TENM2: variants seen among roughly 807,000 people sequenced by gnomAD.
The protein encoded by TENM2 is teneurin-2.
In TENM2, 52 loss-of-function variants were observed where a neutral mutation model predicts 245.2. The observed-to-expected ratio is 0.21, with a 90% CI of 0.17 to 0.27. The LOEUF (loss-of-function observed/expected upper bound fraction) is 0.27. TENM2 is among the 10% of genes least tolerant of loss of function. The pLI is 1.00. For missense variants in TENM2, 3,046 were observed against 3,666.8 expected, an observed-to-expected ratio of 0.83 and a Z score of 4.37; for synonymous variants, 1,363 against 1,438.9, an observed-to-expected ratio of 0.95 and a Z score of 1.19.
chr5:168,191,067 A>G (rs913141337), intron 14 of TENM2, among the ~76,000 whole-genome samples: 4 of 152,020 alleles, frequency 2.6e-5, no homozygotes, highest in Non-Finnish European at 4.4e-5. Flanking sequence ...TCTAATCCAC[A>G]CAACAATCCC....
chr5:168,164,592 TA>T (rs1758050096), intron 13 of TENM2, among the ~76,000 whole-genome samples: 1 of 152,208 alleles, frequency 6.6e-6, no homozygotes, highest in Admixed American at 6.5e-5. Flanking sequence ...TCTCCTGTTC[TA>T]AACCTCTGAG....
At chr5:168,173,597 TC>T (rs1759058554) in intron 13 of TENM2, among the ~76,000 whole-genome samples, 1 of 151,992 alleles carries the variant, frequency 6.6e-6, no homozygotes, top group Non-Finnish European at 1.5e-5. Flanking sequence ...CCAGCCACAC[TC>T]CTGGACAGAC....
the TENM2 span, among the ~76,000 whole-genome samples, chr5:167,044,036 AGAAGGAAG>A: frequency 8.9e-4 from 114 of 128,590 alleles, 1 homozygote; most frequent in Middle Eastern, 3.9e-3. Context: ...TAGTAAGGAC[AGAAGGAAG>A]GAAGGAAGGA....
At chr5:168,093,331 G>A (rs1793099328) in intron 8 of TENM2, among the ~76,000 whole-genome samples, 2 of 152,204 alleles carry the variant, frequency 1.3e-5, no homozygotes, top group Admixed American at 1.3e-4. Context: ...CTGGACTGTA[G>A]CTCAAAGAGC....
At chr5:168,094,117 G>C (rs1305108871) in intron 8 of TENM2, among the ~76,000 whole-genome samples, 3 of 149,426 alleles carry the variant, frequency 2.0e-5, no homozygotes, top group Non-Finnish European at 4.5e-5. Flanking sequence ...GAACAGTTCA[G>C]ATCGAGAGCT....
At chr5:168,189,770 TA>T (rs545247922) in intron 13 of TENM2, among the ~76,000 whole-genome samples, 2 of 152,134 alleles carry the variant, frequency 1.3e-5, no homozygotes, top group African/African-American at 4.8e-5. Context: ...TTTAATTTGA[TA>T]AAAAAATTGT....
chr5:167,516,738 G>T (rs1249215233), intron 2 of TENM2, among the ~76,000 whole-genome samples: 1 of 152,074 alleles, frequency 6.6e-6, no homozygotes, highest in African/African-American at 2.4e-5. Context: ...TACTTTCAGG[G>T]TTTTCGCATC....
At chr5:167,793,387 C>G (rs1039781357) in intron 2 of TENM2, among the ~76,000 whole-genome samples, 1 of 152,074 alleles carries the variant, frequency 6.6e-6, no homozygotes, top group Non-Finnish European at 1.5e-5. Context: ...ATAGCCATAC[C>G]TAGTAGATTA....
intron 2 of TENM2, among the ~76,000 whole-genome samples, chr5:167,509,240 CTG>C (rs1769763053): frequency 6.6e-6 from 1 of 152,216 alleles, no homozygotes. Context: ...GCTCCATTGA[CTG>C]TAGACTAATT....
intron 2 of TENM2, among the ~76,000 whole-genome samples, chr5:167,649,612 C>T (rs1780200929): frequency 6.6e-6 from 1 of 152,066 alleles, no homozygotes; most frequent in Admixed American, 6.6e-5. Context: ...GCACATGAAA[C>T]CCATTTAAAG....
chr5:167,816,189 C>G (rs1767042783), intron 2 of TENM2, among the ~76,000 whole-genome samples: 1 of 152,082 alleles, frequency 6.6e-6, no homozygotes, highest in African/African-American at 2.4e-5. Context: ...ACACCTGTTT[C>G]CGGAACAGAA....
At chr5:167,793,550 A>G (rs1272165261) in intron 2 of TENM2, among the ~76,000 whole-genome samples, 1 of 152,172 alleles carries the variant, frequency 6.6e-6, no homozygotes, top group Non-Finnish European at 1.5e-5. Flanking sequence ...AGAGACATCA[A>G]GAGGCCAGGT....
chr5:167,985,300 G>A (rs1783159274), intron 4 of TENM2, among the ~76,000 whole-genome samples: 1 of 151,992 alleles, frequency 6.6e-6, no homozygotes, highest in East Asian at 1.9e-4. Flanking sequence ...AGGGATTAAT[G>A]GGCTGTGTAT....
At chr5:167,530,182 A>G (rs889651368) in intron 2 of TENM2, among the ~76,000 whole-genome samples, 2 of 152,206 alleles carry the variant, frequency 1.3e-5, no homozygotes, top group Non-Finnish European at 2.9e-5. Context: ...TCATTTTTCT[A>G]TTCATTTTTA....
At chr5:168,241,421 A>ATT (rs752333194) in intron 25 of TENM2, among the ~76,000 whole-genome samples, 43 of 133,100 alleles carry the variant, frequency 3.2e-4, no homozygotes, top group African/African-American at 6.4e-4. Flanking sequence ...TGCTTGGCTA[A>ATT]TTTTTTTTTT....
the TENM2 span, among the ~76,000 whole-genome samples, chr5:167,188,315 G>A: frequency 3.5e-3 from 539 of 152,286 alleles, 6 homozygotes; most frequent in African/African-American, 0.012. Flanking sequence ...AGCGCGGGCT[G>A]CTGCTGGAAA....
chr5:167,437,145 C>T lies in TENM2; in HGVS notation c.502+61672C>T, dbSNP rs563545083. On this transcript the variant is annotated intron_variant, in intron 2 of 28. Transcript: ENST00000518659. ...AAAAGCCAGACACTCAACACCAGCC[C>T]GTGAGAGCAGCCAGGAGGGGGGCTA... 9.5e-4 allele frequency among the ~76,000 whole-genome samples: 145 copies of T among 152,200 alleles called. 2 individuals carry two copies. The highest frequency in any genetic ancestry group is 1.6e-3 in the Non-Finnish European group (112 of 67,998).
At chr5:167,342,072 T>G (rs994427486) in intron 1 of TENM2, among the ~76,000 whole-genome samples, 49 of 152,218 alleles carry the variant, frequency 3.2e-4, no homozygotes, top group Non-Finnish European at 5.9e-5. Flanking sequence ...TGCTAACATC[T>G]TGCAATAGTA....
chr5:168,090,646 A>G, exon 8 of TENM2: 1 of 1,613,922 alleles, frequency 6.2e-7, no homozygotes, highest in African/African-American at 1.3e-5. Context: ...ACGCCGGAGC[A>G]TACAGACCTT....
Sources: allele counts gnomAD v4.1 joint callset (sites outside exome capture counted in the v4.1 genomes callset), GRCh38; gene constraint gnomAD v4.1.1; transcripts MANE v1.5; gene names NCBI Gene and HGNC (gene_info 2026-07-23, HGNC 2026-07-21).